The following MYH14 variants were observed in gnomAD, a reference collection of about 807,000 sequenced individuals.
The protein encoded by MYH14 is myosin-14.
In MYH14, 123 loss-of-function variants were observed where a neutral mutation model predicts 255.5. That is an observed-to-expected ratio of 0.48 (90% CI 0.42 to 0.56). The LOEUF is 0.56. MYH14 is among the 20% of genes least tolerant of loss of function. MYH14 has a pLI of 0.00. For missense variants in MYH14, 2,423 were observed against 2,802.3 expected (o/e 0.86, Z 3.06); for synonymous variants, 1,095 against 1,161.2 (o/e 0.94, Z 1.16).
intron 6 of MYH14, 81 bp from the exon 7 acceptor site, chr19:50,225,504 G>A (rs2033046105): frequency 2.8e-6 from 3 of 1,073,800 alleles, no homozygotes; most frequent in Admixed American, 4.0e-5. Flanking sequence ...TCAGTCAGCT[G>A]GAGACACAGC....
intron 41 of MYH14, 84 bp downstream of exon 41, chr19:50,307,241 G>A (rs764987351): frequency 3.7e-6 from 3 of 809,026 alleles, no homozygotes; most frequent in South Asian, 1.6e-5. Flanking sequence ...GAGGCAATGA[G>A]CTCCCATCAC....
chr19:50,292,307 C>T lies in MYH14; in HGVS notation c.5174C>T (p.Ser1725Phe), dbSNP rs368613423. 25 of 1,598,950 alleles carry T rather than the reference C, an allele frequency of 1.6e-5. No homozygotes were observed. The African/African-American group carries it at 2.9e-4, about 19-fold the overall frequency. Reference sequence around the variant, plus strand: ...CGGGAGGTGGAGGAGACACGCACCTCCCGGGAGGAGATCTTCTCCCAGAAT... The same window carrying T: ...CGGGAGGTGGAGGAGACACGCACCTTCCGGGAGGAGATCTTCTCCCAGAAT... ...LWREVEETRT[S>F]REEIFSQNRE... Residue 1725 changes from serine (S) to phenylalanine (F), a missense_variant, in exon 37 of 43, where the codon TCC becomes TTC. Coordinates refer to ENST00000642316, the MANE Select transcript of MYH14 (RefSeq NM_001145809.2).
rs553038266 is a variant in MYH14 at position 50,289,532 on chromosome 19, G to A, written c.4849G>A (p.Glu1617Lys). Residue 1617 changes from glutamate to lysine, a missense_variant, in exon 35 of 43, where the codon GAG becomes AAG. Coordinates refer to ENST00000642316, the MANE Select transcript of MYH14 (RefSeq NM_001145809.2). ...TELEDELTAA[E>K]DAKLRLEVTV... ...ACTGGAGGATGAGCTGACAGCGGCC[G>A]AGGATGCCAAGCTGCGTCTGGAGGT... 12 of 1,613,062 alleles carry A rather than the reference G, an allele frequency of 7.4e-6. No individual in the cohort carries two copies. Among genetic ancestry groups the A allele is most frequent in the East Asian group, 6.7e-5 (3 of 44,872 alleles).
chr19:50,289,665 GGC>G lies in MYH14; in HGVS notation c.4965+18_4965+19del. On this transcript the variant is annotated intron_variant, in intron 35 of 42. Coordinates refer to ENST00000642316, the MANE Select transcript of MYH14 (RefSeq NM_001145809.2). ...GCCAAGCAGGTATTGTCACACAGAA[GGC>G]CACAGGGTGCCAGTCCAGCTGGGGT... is the stretch of plus-strand genomic sequence containing the variant. 1.9e-6 allele frequency: 3 copies of G among 1,594,564 alleles called. No homozygotes were observed. The highest frequency in any genetic ancestry group is 2.6e-6 in the Non-Finnish European group (3 of 1,171,690).
intron 1 of MYH14, among the ~76,000 whole-genome samples, chr19:50,204,382 A>G (rs1455931569): frequency 3.3e-5 from 5 of 152,184 alleles, no homozygotes; most frequent in Non-Finnish European, 5.9e-5. Context: ...GCAGGTTGGT[A>G]GTAATCACCA....
At chr19:50,208,003 A>C (rs2031910970) in intron 1 of MYH14, among the ~76,000 whole-genome samples, 1 of 152,176 alleles carries the variant, frequency 6.6e-6, no homozygotes, top group African/African-American at 2.4e-5. Context: ...TTGGGTCTTC[A>C]TTTAAATGCC....
chr19:50,291,616 C>T (rs377347466), intron 36 of MYH14, among the ~76,000 whole-genome samples: 1 of 152,278 alleles, frequency 6.6e-6, no homozygotes, highest in East Asian at 1.9e-4. Context: ...TGTAATCCCA[C>T]CACTTTGGGA....
intron 2 of MYH14, among the ~76,000 whole-genome samples, chr19:50,214,103 G>A (rs2032344336): frequency 6.6e-6 from 1 of 152,162 alleles, no homozygotes; most frequent in East Asian, 1.9e-4. Context: ...GGATTTACAG[G>A]CTTGAGCCAC....
chr19:50,234,225 G>A (rs1246012764), intron 10 of MYH14, among the ~76,000 whole-genome samples: 2 of 152,120 alleles, frequency 1.3e-5, no homozygotes, highest in African/African-American at 4.8e-5. Flanking sequence ...TCCCCAACAT[G>A]CTTTTTAGGA....
At chr19:50,248,638 T>C (rs891660957) in intron 12 of MYH14, among the ~76,000 whole-genome samples, 12 of 152,236 alleles carry the variant, frequency 7.9e-5, no homozygotes, top group African/African-American at 2.4e-4. Context: ...TTTATTCACA[T>C]GCCTGAAATC....
intron 9 of MYH14, among the ~76,000 whole-genome samples, chr19:50,231,588 C>T (rs985538533): frequency 3.9e-5 from 6 of 152,048 alleles, no homozygotes; most frequent in Admixed American, 3.9e-4. Flanking sequence ...TGGCACACAG[C>T]TGTAGTCCCA....
At chr19:50,220,637 C>A (rs1192208868) in intron 3 of MYH14, among the ~76,000 whole-genome samples, 2 of 151,904 alleles carry the variant, frequency 1.3e-5, no homozygotes, top group Admixed American at 6.6e-5. Context: ...CTCGCTGCAA[C>A]CTCCTCCCGG....
chr19:50,249,998 C>T (rs1488792174), intron 14 of MYH14, among the ~76,000 whole-genome samples, 175 bp downstream of exon 14: 1 of 152,246 alleles, frequency 6.6e-6, no homozygotes, highest in Non-Finnish European at 1.5e-5. Flanking sequence ...TGATTAGGGC[C>T]CAGAATGTGC....
At position 50,266,676 on chromosome 19, in the gene MYH14, G is replaced by T. The variant is rs531514688; in HGVS notation, c.2695-201G>T. The stretch of plus-strand genomic sequence containing the variant: ...AAGGATCCTTTAGCCAGAGAGATTA[G>T]ATAGATCAATAGTGTATTTAGTGGT... On this transcript the variant is annotated intron_variant, in intron 22 of 42. Transcript: ENST00000642316. This position sits in a 1 kb window ranked among gnomAD's most constrained non-coding sequence, Gnocchi z 4.1. Among the ~76,000 whole-genome samples, 1 of 152,364 alleles carries T rather than the reference G, an allele frequency of 6.6e-6. No homozygotes were observed. The highest frequency in any genetic ancestry group is 6.5e-5 in the Admixed American group (1 of 15,302).
chr19:50,245,535 A>C (rs920836071), intron 11 of MYH14, among the ~76,000 whole-genome samples: 5 of 152,014 alleles, frequency 3.3e-5, no homozygotes, highest in African/African-American at 1.2e-4. Context: ...ACATTTTGGG[A>C]TGTGTCTCTC....
intron 10 of MYH14, 42 bp from the exon 11 acceptor site, chr19:50,244,200 G>A (rs781592233): frequency 4.2e-5 from 66 of 1,567,516 alleles, no homozygotes; most frequent in Non-Finnish European, 5.3e-5. Context: ...ACCACACATC[G>A]GGGTCCAGAG....
At chr19:50,284,357 TTTTG>T (rs1032886557) in intron 33 of MYH14, among the ~76,000 whole-genome samples, 1 of 151,856 alleles carries the variant, frequency 6.6e-6, no homozygotes, top group African/African-American at 2.4e-5. Context: ...CTTGTTTTCT[TTTTG>T]TTTGTTTGTT....
At chr19:50,302,771 A>G (rs1255780912) in intron 40 of MYH14, among the ~76,000 whole-genome samples, 5 of 149,472 alleles carry the variant, frequency 3.3e-5, no homozygotes, top group Admixed American at 2.0e-4. Context: ...GCGTGGTGGC[A>G]CGTGCCTGTA....
rs894334272 is a variant in MYH14 at position 50,280,911 on chromosome 19, T to C, written c.4290+528T>C. Reference sequence around the variant, plus strand: ...AAAAAACCTTTTATTTTTCCAGACTTAGCATTAGGCTCCCCTGTGGGAAGT... The same window carrying C: ...AAAAAACCTTTTATTTTTCCAGACTCAGCATTAGGCTCCCCTGTGGGAAGT... On this transcript the variant is annotated intron_variant, in intron 32 of 42. Transcript: ENST00000642316. The surrounding 1 kb of genome is among the most constrained non-coding windows in gnomAD (Gnocchi z 4.8). Among the ~76,000 whole-genome samples, 7 of 152,198 alleles carry C rather than the reference T, an allele frequency of 4.6e-5. No individual in the cohort carries two copies. The highest frequency in any genetic ancestry group is 7.2e-5 in the African/African-American group (3 of 41,450).
Sources: allele counts gnomAD v4.1 joint callset (sites outside exome capture counted in the v4.1 genomes callset), GRCh38; gene constraint gnomAD v4.1.1; non-coding constraint Gnocchi (gnomAD v3.1); transcripts MANE v1.5; gene names NCBI Gene and HGNC (gene_info 2026-07-23, HGNC 2026-07-21).